HIPK2: variants seen among roughly 807,000 people sequenced by gnomAD.
HIPK2 encodes the protein homeodomain interacting protein kinase 2.
HIPK2 carries 27 observed loss-of-function variants against 113.7 expected under a neutral mutation model. That is an observed-to-expected ratio of 0.24 (90% CI 0.17 to 0.33). The LOEUF (loss-of-function observed/expected upper bound fraction) is 0.33. HIPK2 is among the 10% of genes least tolerant of loss of function. The probability of loss-of-function intolerance (pLI) is 1.00; values close to 1 mark genes in which losing one functional copy is unlikely to be tolerated. For synonymous variants in HIPK2, 631 were observed against 642.2 expected, an observed-to-expected ratio of 0.98 and a Z score of 0.26; for missense variants, 1,257 against 1,588.0, an observed-to-expected ratio of 0.79 and a Z score of 3.54.
intron 2 of HIPK2, among the ~76,000 whole-genome samples, chr7:139,662,870 C>T (rs1459284564): frequency 2.6e-5 from 4 of 152,122 alleles, no homozygotes; most frequent in South Asian, 4.1e-4. Context: ...TTGCCTGCCT[C>T]GGCCTCCCAA....
At chr7:139,603,840 G>A (rs1021722331) in intron 10 of HIPK2, among the ~76,000 whole-genome samples, 13 of 152,050 alleles carry the variant, frequency 8.5e-5, no homozygotes, top group Non-Finnish European at 1.5e-4. Flanking sequence ...CTGAATTCTG[G>A]GTGGAAATGA....
chr7:139,582,536 CGTT>C, intron 13 of HIPK2, among the ~76,000 whole-genome samples: 1 of 152,312 alleles, frequency 6.6e-6, no homozygotes, highest in Non-Finnish European at 1.5e-5. Flanking sequence ...CAAAAGGAGA[CGTT>C]TTAGCAGGGT....
intron 2 of HIPK2, among the ~76,000 whole-genome samples, chr7:139,693,734 AAC>A (rs1172407906): frequency 6.6e-6 from 1 of 152,210 alleles, no homozygotes; most frequent in Non-Finnish European, 1.5e-5. Context: ...AAAAAAAAAA[AAC>A]ATTTTAAGTA....
intron 2 of HIPK2, among the ~76,000 whole-genome samples, chr7:139,699,028 C>T (rs1018400989): frequency 6.6e-6 from 1 of 152,074 alleles, no homozygotes; most frequent in Non-Finnish European, 1.5e-5. Flanking sequence ...ATAATAAAAA[C>T]GACGACCCAC....
Position 139,631,876 on chromosome 7 carries a change from T to A in HIPK2, c.1104-151A>T, listed in dbSNP as rs1162015603. On this transcript the variant is annotated intron_variant, in intron 2 of 14. Coordinates refer to ENST00000406875, the MANE Select transcript of HIPK2 (RefSeq NM_022740.5). This position sits in a 1 kb window ranked among gnomAD's most constrained non-coding sequence, Gnocchi z 4.9. The stretch of plus-strand genomic sequence containing the variant: ...CAGGAGAGGCGCTGTGCTACAACAA[T>A]CCTTCCATTCTTTGGCTTGGTCCCC... The A allele has an allele frequency of 1.8e-6, 1 of 556,458 alleles. No homozygotes were observed. Among genetic ancestry groups the A allele is most frequent in the African/African-American group, 2.1e-5 (1 of 48,276 alleles). The allele number at this position is 556,458 out of a possible 1,614,324, so 34.5% of individuals were successfully genotyped here. A position where few individuals can be genotyped will look rare whatever the true frequency, so the allele number is the denominator to read the frequency against.
rs1801397699 is a variant in HIPK2 at position 139,649,994 on chromosome 7, AT to A, written c.1104-18270del. 2.0e-5 allele frequency among the ~76,000 whole-genome samples: 3 copies of A among 152,242 alleles called. No homozygotes were observed. In the South Asian group the frequency reaches 6.2e-4, roughly 32 times the overall value. On this transcript the variant is annotated intron_variant, in intron 2 of 14. Coordinates refer to ENST00000406875, the MANE Select transcript of HIPK2 (RefSeq NM_022740.5). ...GGTGGTATGGGTAGGATTTTAAAAA[AT>A]ATTTTTAAAAAGTGACTTTAGATAC...
intron 2 of HIPK2, among the ~76,000 whole-genome samples, chr7:139,656,363 A>C (rs1275382435): frequency 6.6e-6 from 1 of 152,116 alleles, no homozygotes; most frequent in East Asian, 1.9e-4. Context: ...TTCATCTCCA[A>C]AATTAGGATG....
At chr7:139,709,939 T>C (rs1795012205) in intron 2 of HIPK2, among the ~76,000 whole-genome samples, 1 of 152,236 alleles carries the variant, frequency 6.6e-6, no homozygotes. Flanking sequence ...AAAAGTTAAA[T>C]GCACTAACAA....
In HIPK2 at chr7:139,561,612, G is replaced by A. The variant is rs1040639006; in HGVS notation, c.*11315C>T. On this transcript the variant is annotated 3_prime_UTR_variant, in exon 15 of 15. Coordinates refer to ENST00000406875, the MANE Select transcript of HIPK2 (RefSeq NM_022740.5). ...GTTTAATGTAATTCCAAGACAAAGTGTGATTACATTTCTACACATATACAA... is the reference window on the plus strand; with the variant it reads ...GTTTAATGTAATTCCAAGACAAAGTATGATTACATTTCTACACATATACAA... 10 of 152,146 alleles carry A rather than the reference G, an allele frequency of 6.6e-5. No individual in the cohort carries two copies. Among genetic ancestry groups the A allele is most frequent in the Non-Finnish European group, 1.3e-4 (9 of 68,034 alleles). The allele number at this position is 152,146 out of a possible 1,614,324, so 9.4% of individuals were successfully genotyped here.
At chr7:139,670,210 G>A (rs1420261081) in intron 2 of HIPK2, among the ~76,000 whole-genome samples, 1 of 152,076 alleles carries the variant, frequency 6.6e-6, no homozygotes, top group Non-Finnish European at 1.5e-5. Context: ...GGCGGGTTGG[G>A]GTTGCCAGAC....
chr7:139,741,179 T>C (rs1311188687), intron 1 of HIPK2, among the ~76,000 whole-genome samples: 1 of 152,124 alleles, frequency 6.6e-6, no homozygotes, highest in African/African-American at 2.4e-5. Context: ...TTAAGCAAGC[T>C]TGGGGGTTGG....
At chr7:139,636,933 G>T (rs926536193) in intron 2 of HIPK2, among the ~76,000 whole-genome samples, 1 of 152,150 alleles carries the variant, frequency 6.6e-6, no homozygotes, top group African/African-American at 2.4e-5. Context: ...ACGTCTAGAA[G>T]GGAACTATTC....
At chr7:139,637,638 C>T (rs1800856306) in intron 2 of HIPK2, among the ~76,000 whole-genome samples, 1 of 152,088 alleles carries the variant, frequency 6.6e-6, no homozygotes, top group Non-Finnish European at 1.5e-5. Context: ...TTAACCTGCT[C>T]ACTGTCTGTC....
At chr7:139,748,587 A>G (rs373673130) in intron 1 of HIPK2, among the ~76,000 whole-genome samples, 18 of 151,774 alleles carry the variant, frequency 1.2e-4, no homozygotes, top group East Asian at 5.8e-4. Context: ...CGTGCTCATG[A>G]GCCATGGTCC....
chr7:139,703,738 C>A (rs1277214323), intron 2 of HIPK2, among the ~76,000 whole-genome samples: 1 of 81,268 alleles, frequency 1.2e-5, no homozygotes, highest in African/African-American at 5.2e-5. Context: ...ACATACACAC[C>A]CGACACACAC....
At chr7:139,622,468 C>A (rs1800267985) in intron 6 of HIPK2, among the ~76,000 whole-genome samples, 1 of 152,182 alleles carries the variant, frequency 6.6e-6, no homozygotes, top group Non-Finnish European at 1.5e-5. Flanking sequence ...CAATTCAACA[C>A]AAAATTTCCA....
At chr7:139,655,474 C>T (rs1425244343) in intron 2 of HIPK2, among the ~76,000 whole-genome samples, 1 of 152,198 alleles carries the variant, frequency 6.6e-6, no homozygotes, top group Non-Finnish European at 1.5e-5. Context: ...GGAACCTGCA[C>T]AGCAACTCTG....
intron 2 of HIPK2, among the ~76,000 whole-genome samples, chr7:139,670,915 C>T (rs1409817534): frequency 6.6e-6 from 1 of 151,852 alleles, no homozygotes; most frequent in Non-Finnish European, 1.5e-5. Flanking sequence ...CCTGCGCCAC[C>T]ATGCCTGGCT....
intron 10 of HIPK2, among the ~76,000 whole-genome samples, chr7:139,602,163 G>A (rs1224317987): frequency 6.6e-6 from 1 of 152,078 alleles, no homozygotes; most frequent in Non-Finnish European, 1.5e-5. Context: ...ATGCTGACCA[G>A]GCTGGTCTCA....
Sources: allele counts gnomAD v4.1 joint callset (sites outside exome capture counted in the v4.1 genomes callset), GRCh38; gene constraint gnomAD v4.1.1; non-coding constraint Gnocchi (gnomAD v3.1); transcripts MANE v1.5; gene names NCBI Gene and HGNC (gene_info 2026-07-23, HGNC 2026-07-21).